Variants in ADARB1 observed in about 807,000 individuals in gnomAD.
ADARB1 encodes the protein adenosine deaminase RNA specific B1.
ADARB1 carries 10 observed loss-of-function variants against 52.4 expected under a neutral mutation model. The ratio of observed to expected loss-of-function variants is 0.19; its 90% CI spans 0.12 to 0.32. The LOEUF (loss-of-function observed/expected upper bound fraction) is 0.32. ADARB1 is among the 10% of genes least tolerant of loss of function. ADARB1 has a pLI of 1.00. For missense variants in ADARB1, 643 were observed against 922.3 expected, an observed-to-expected ratio of 0.70 and a Z score of 3.92; for synonymous variants, 349 against 371.1, an observed-to-expected ratio of 0.94 and a Z score of 0.68.
At chr21:45,101,316 G>C (rs934079239) in intron 1 of ADARB1, among the ~76,000 whole-genome samples, 1 of 152,166 alleles carries the variant, frequency 6.6e-6, no homozygotes, top group Non-Finnish European at 1.5e-5. Flanking sequence ...GCAGCCCCGC[G>C]CCTGGCGCTG....
At chr21:45,152,210 C>G (rs2090326602) in intron 2 of ADARB1, among the ~76,000 whole-genome samples, 1 of 152,216 alleles carries the variant, frequency 6.6e-6, no homozygotes, top group East Asian at 1.9e-4. Flanking sequence ...CTAAACTGTA[C>G]TCTTTTATTG....
chr21:45,175,237 T>C (rs2091644821), intron 3 of ADARB1, among the ~76,000 whole-genome samples: 1 of 152,212 alleles, frequency 6.6e-6, no homozygotes. Flanking sequence ...AGTTTTCTCT[T>C]CTGAGAGACG....
chr21:45,225,078 G>A lies in ADARB1; in HGVS notation c.*2881G>A. On this transcript the variant is annotated 3_prime_UTR_variant, in exon 11 of 11. Transcript: ENST00000348831. ...GGGAAGAGAGGGCTTCTGTTGTTTT[G>A]TTTTGTTTTGTTTTGTTAACTAAAC... 1.0e-6 allele frequency: 1 copy of A among 982,426 alleles called. No homozygotes were observed. Among genetic ancestry groups the A allele is most frequent in the Non-Finnish European group, 1.2e-6 (1 of 828,686 alleles). The allele number at this position is 982,426 out of a possible 1,614,324, so 60.9% of individuals were successfully genotyped here.
Position 45,224,855 on chromosome 21 carries a change from T to C in ADARB1, c.*2658T>C, listed in dbSNP as rs2093036609. On this transcript the variant is annotated 3_prime_UTR_variant, in exon 11 of 11. Transcript: ENST00000348831. Reference sequence around the variant, plus strand: ...AACGCTGACTCCTCCGTGAGACAGATCGGGGACCTTAGCACTTTAATCCCT... The same window carrying C: ...AACGCTGACTCCTCCGTGAGACAGACCGGGGACCTTAGCACTTTAATCCCT... 5.1e-6 allele frequency: 5 copies of C among 985,706 alleles called. No individual in the cohort carries two copies. The highest frequency in any genetic ancestry group is 4.8e-6 in the Non-Finnish European group (4 of 829,954). 61.1% of individuals were successfully genotyped at this position (985,706 alleles called of 1,614,324 possible).
At chr21:45,107,441 T>G (rs75845138) in intron 1 of ADARB1, among the ~76,000 whole-genome samples, 1,822 of 152,216 alleles carry the variant, frequency 0.012, 31 homozygotes, top group African/African-American at 0.042. Flanking sequence ...GGAGAATAGC[T>G]CTACTAGATA....
intron 2 of ADARB1, among the ~76,000 whole-genome samples, chr21:45,137,861 G>A (rs1179770813): frequency 6.6e-6 from 1 of 152,030 alleles, no homozygotes; most frequent in African/African-American, 2.4e-5. Flanking sequence ...TGGGAGGTGG[G>A]CACCCCAGGC....
chr21:45,176,340 G>A lies in ADARB1; in HGVS notation c.639G>A (p.Val213=). ...SGDLSLSASP[V]PASLAQPPLP... ...ACCTCAGCTTGTCTGCTTCCCCGGT[G>A]CCTGCCAGCCTAGCCCAGCCTCCTC... The change falls in exon 4 of 11, where the codon GTG becomes GTA. Residue 213 remains valine, a synonymous_variant. Coordinates refer to ENST00000348831, the MANE Select transcript of ADARB1 (RefSeq NM_001112.4). The surrounding 1 kb of genome is among the most constrained non-coding windows in gnomAD (Gnocchi z 5.8). The A allele has an allele frequency of 1.2e-6, 2 of 1,613,832 alleles. No individual in the cohort carries two copies. Among genetic ancestry groups the A allele is most frequent in the Non-Finnish European group, 1.7e-6 (2 of 1,179,856 alleles).
chr21:45,136,970 A>T (rs968076294), intron 2 of ADARB1: 1 of 152,276 alleles, frequency 6.6e-6, no homozygotes, highest in African/African-American at 2.4e-5. Flanking sequence ...AGAAGTACAC[A>T]ATTAACCACA....
At chr21:45,197,535 A>G (rs1270279821) in intron 8 of ADARB1, among the ~76,000 whole-genome samples, 3 of 152,172 alleles carry the variant, frequency 2.0e-5, no homozygotes, top group Admixed American at 1.3e-4. Context: ...TATGCCTGCC[A>G]TGTAGCCTAG....
At chr21:45,171,482 C>A in intron 2 of ADARB1, 128 bp from the exon 3 acceptor site, 1 of 644,750 alleles carries the variant, frequency 1.6e-6, no homozygotes, top group Non-Finnish European at 2.7e-6. Flanking sequence ...CTAACAAGAC[C>A]TAGTTCTTAT....
chr21:45,106,519 C>T (rs1419685354), intron 1 of ADARB1, among the ~76,000 whole-genome samples: 2 of 152,214 alleles, frequency 1.3e-5, no homozygotes, highest in Non-Finnish European at 2.9e-5. Flanking sequence ...TCTGGGGAGC[C>T]ACAGGCCTTG....
chr21:45,152,268 T>G (rs921592372), intron 2 of ADARB1, among the ~76,000 whole-genome samples: 26 of 133,434 alleles, frequency 1.9e-4, no homozygotes, highest in Non-Finnish European at 3.4e-4. Flanking sequence ...CTTTGGTACG[T>G]CTGCTGTGGG....
rs181582072 is a variant in ADARB1 at position 45,196,232 on chromosome 21, A to C, written c.1566-8323A>C. Among the ~76,000 whole-genome samples the C allele has an allele frequency of 1.7e-3, 258 of 152,294 alleles. 1 individual carries two copies. The highest frequency in any genetic ancestry group is 2.4e-3 in the Non-Finnish European group (164 of 68,018). ...TAATTTTTGACCAAGGCACAAAGGCAATTCAGTGGAGAAAGAATAGTCTTT... is the reference window on the plus strand; with the variant it reads ...TAATTTTTGACCAAGGCACAAAGGCCATTCAGTGGAGAAAGAATAGTCTTT... On this transcript the variant is annotated intron_variant, in intron 8 of 10. Transcript: ENST00000348831.
chr21:45,101,841 G>A (rs551363707), intron 1 of ADARB1, among the ~76,000 whole-genome samples: 210 of 152,264 alleles, frequency 1.4e-3, no homozygotes, highest in African/African-American at 4.9e-3. Context: ...TTACAGTGGT[G>A]GACATACTTT....
chr21:45,121,714 CG>C, intron 1 of ADARB1, among the ~76,000 whole-genome samples: 1 of 152,226 alleles, frequency 6.6e-6, no homozygotes, highest in Admixed American at 6.5e-5. Flanking sequence ...GAGCTTTTAG[CG>C]TTAGTCATTA....
intron 1 of ADARB1, among the ~76,000 whole-genome samples, chr21:45,080,036 C>T (rs543909868): frequency 4.6e-5 from 7 of 152,178 alleles, no homozygotes; most frequent in East Asian, 1.9e-4. Flanking sequence ...ACCAAGACAC[C>T]GAGGGGTTCT....
intron 1 of ADARB1, among the ~76,000 whole-genome samples, chr21:45,094,052 A>C (rs1442687556): frequency 6.6e-6 from 1 of 152,228 alleles, no homozygotes; most frequent in African/African-American, 2.4e-5. Flanking sequence ...CAGGATTTTA[A>C]AAGATAGTTT....
At chr21:45,086,295 G>A (rs1162751099) in intron 1 of ADARB1, among the ~76,000 whole-genome samples, 2 of 152,158 alleles carry the variant, frequency 1.3e-5, no homozygotes, top group Non-Finnish European at 2.9e-5. Flanking sequence ...GGGAAAATAC[G>A]GGGAGAAAAT....
At chr21:45,091,582 G>A (rs897878124) in intron 1 of ADARB1, among the ~76,000 whole-genome samples, 2 of 152,198 alleles carry the variant, frequency 1.3e-5, no homozygotes, top group Admixed American at 1.3e-4. Flanking sequence ...CAGAGGGAGA[G>A]CAATAGGGAT....
Sources: allele counts gnomAD v4.1 joint callset (sites outside exome capture counted in the v4.1 genomes callset), GRCh38; gene constraint gnomAD v4.1.1; non-coding constraint Gnocchi (gnomAD v3.1); transcripts MANE v1.5; gene names NCBI Gene and HGNC (gene_info 2026-07-23, HGNC 2026-07-21).